Variants in KLHL23 observed in about 807,000 individuals in gnomAD.
KLHL23 encodes the protein kelch-like protein 23.
A neutral mutation model predicts 48.9 loss-of-function variants in KLHL23; 33 were observed. That is an observed-to-expected ratio of 0.67 (90% CI 0.51 to 0.90). The LOEUF (loss-of-function observed/expected upper bound fraction) is 0.90, where lower values mean the gene tolerates loss of function less well. Ranked by LOEUF, KLHL23 falls within the 40% of genes least tolerant of loss-of-function variation. The pLI is 0.00. For synonymous variants in KLHL23, 234 were observed against 231.6 expected, an observed-to-expected ratio of 1.01 and a Z score of -0.09; for missense variants, 608 against 669.6, an observed-to-expected ratio of 0.91 and a Z score of 1.02.
At chr2:169,737,412 G>T (rs962878771) in intron 2 of KLHL23, among the ~76,000 whole-genome samples, 10 of 152,116 alleles carry the variant, frequency 6.6e-5, no homozygotes, top group Admixed American at 3.3e-4. Flanking sequence ...TGCTCCCCTG[G>T]TTTTTGTCTT....
chr2:169,747,313 C>T (rs1165079854), intron 3 of KLHL23, among the ~76,000 whole-genome samples: 2 of 140,734 alleles, frequency 1.4e-5, no homozygotes, highest in Non-Finnish European at 3.0e-5. Context: ...CACTTGAACC[C>T]GGGAAGCAGA....
intron 3 of KLHL23, among the ~76,000 whole-genome samples, 195 bp downstream of exon 3, chr2:169,741,732 C>T (rs909206120): frequency 1.3e-5 from 2 of 152,156 alleles, no homozygotes; most frequent in African/African-American, 4.8e-5. Flanking sequence ...GTCACATCTA[C>T]AAATATTTTC....
chr2:169,746,850 A>G (rs1044299187), intron 3 of KLHL23, among the ~76,000 whole-genome samples: 23 of 152,232 alleles, frequency 1.5e-4, no homozygotes, highest in African/African-American at 5.3e-4. Flanking sequence ...AACTGATAAA[A>G]TATTTGAACT....
chr2:169,739,353 G>A (rs981082431), intron 2 of KLHL23, among the ~76,000 whole-genome samples: 2 of 151,906 alleles, frequency 1.3e-5, no homozygotes, highest in Non-Finnish European at 2.9e-5. Flanking sequence ...TTAAAATCTG[G>A]CTGAATTAAA....
intron 2 of KLHL23, among the ~76,000 whole-genome samples, chr2:169,740,208 G>T (rs1356722558): frequency 6.6e-6 from 1 of 152,116 alleles, no homozygotes; most frequent in Non-Finnish European, 1.5e-5. Context: ...GACCTCCTGA[G>T]ATCAAGCAAT....
chr2:169,735,642 C>T lies in KLHL23; in HGVS notation c.628C>T (p.His210Tyr), dbSNP rs1425509116. Residue 210 changes from histidine to tyrosine, a missense_variant, in exon 2 of 4, where the codon CAT (histidine) becomes TAT (tyrosine). Transcript: ENST00000392647. This position sits in a 1 kb window ranked among gnomAD's most constrained non-coding sequence, Gnocchi z 4.5. ...AGAGCCAGTTATTAAGTGGACTGCT[C>T]ATGATGTAGAAAATCGAATTGAATG... is the stretch of plus-strand genomic sequence containing the variant. ...IIEPVIKWTA[H>Y]DVENRIECLY... The T allele has an allele frequency of 1.9e-6, 3 of 1,613,976 alleles. No individual in the cohort carries two copies. The highest frequency in any genetic ancestry group is 2.5e-6 in the Non-Finnish European group (3 of 1,180,026).
In KLHL23 at chr2:169,750,362, A is replaced by T. The variant is rs562758921; in HGVS notation, c.*630A>T. 6.6e-6 allele frequency: 1 copy of T among 152,222 alleles called. No homozygotes were observed. Among genetic ancestry groups the T allele is most frequent in the South Asian group, 2.1e-4 (1 of 4,818 alleles). 9.4% of individuals were successfully genotyped at this position (152,222 alleles called of 1,614,324 possible). ...AATATAGTAGATAGTGCATATTAAGATGTCTGGCTGGGCATGGTGGCTCAT... is the reference window on the plus strand; with the variant it reads ...AATATAGTAGATAGTGCATATTAAGTTGTCTGGCTGGGCATGGTGGCTCAT... On this transcript the variant is annotated 3_prime_UTR_variant, in exon 4 of 4. Coordinates refer to ENST00000392647, the MANE Select transcript of KLHL23 (RefSeq NM_144711.6).
chr2:169,734,987 C>T (rs371145917), intron 1 of KLHL23, 26 bp from the exon 2 acceptor site: 530 of 1,515,924 alleles, frequency 3.5e-4, no homozygotes, highest in Non-Finnish European at 4.3e-4. Flanking sequence ...ATTGAAAACA[C>T]ATTTGTTATT....
rs1255853074 is a variant in KLHL23 at position 169,750,096 on chromosome 2, G to GTGTATATATACGTATCTA, written c.*370_*371insTATACGTATCTATGTATA. On this transcript the variant is annotated 3_prime_UTR_variant, in exon 4 of 4. Transcript: ENST00000392647. Reference sequence around the variant, plus strand: ...TATACGTATGTATGTATACATATATGTGTATACATATATATGTGTGTATAT... The same window carrying GTGTATATATACGTATCTA: ...TATACGTATGTATGTATACATATATGTGTATATATACGTATCTATGTATACATATATATGTGTGTATAT... The GTGTATATATACGTATCTA allele has an allele frequency of 1.9e-5, 2 of 103,718 alleles. No individual in the cohort carries two copies. Among genetic ancestry groups the GTGTATATATACGTATCTA allele is most frequent in the Non-Finnish European group, 4.1e-5 (2 of 48,906 alleles). 6.4% of individuals were successfully genotyped at this position (103,718 alleles called of 1,614,324 possible). A position where few individuals can be genotyped will look rare whatever the true frequency, so the allele number is the denominator to read the frequency against.
Position 169,741,412 on chromosome 2 carries a change from T to C in KLHL23, c.1241T>C (p.Leu414Ser). 1 of 1,613,578 alleles carries C rather than the reference T, an allele frequency of 6.2e-7. No homozygotes were observed. ...GTGGGAAATGCTACTGCCTGTGTCT[T>C]ACATGATGTTATCTACGTCATTGGT... The part of the protein sequence containing the change: ...KGVGNATACV[L>S]HDVIYVIGGH... The change falls in exon 3 of 4, where the codon TTA (leucine) becomes TCA (serine). Residue 414 changes from leucine to serine, a missense_variant. By Grantham distance (145) the Leu-to-Ser change is moderately radical. Coordinates refer to ENST00000392647, the MANE Select transcript of KLHL23 (RefSeq NM_144711.6).
intron 2 of KLHL23, among the ~76,000 whole-genome samples, chr2:169,738,117 T>G (rs1249425614): frequency 1.3e-5 from 2 of 152,162 alleles, no homozygotes; most frequent in African/African-American, 2.4e-5. Flanking sequence ...AAATTCCAGT[T>G]TTATACTTTG....
At chr2:169,747,389 T>TAAAAAAAAAAAAAAAAAAAAAAAAAAA (rs10690582) in intron 3 of KLHL23, among the ~76,000 whole-genome samples, 10 of 69,224 alleles carry the variant, frequency 1.4e-4, no homozygotes, top group South Asian at 1.7e-3. Flanking sequence ...ACTCTGTCTC[T>TAAAAAAAAAAAAAAAAAAAAAAAAAAA]AAAAAAAAAA....
chr2:169,735,928 T>C lies in KLHL23; in HGVS notation c.914T>C (p.Ile305Thr), dbSNP rs369156383. 1.5e-5 allele frequency: 25 copies of C among 1,614,148 alleles called. No homozygotes were observed. Among genetic ancestry groups the C allele is most frequent in the Non-Finnish European group, 1.9e-5 (23 of 1,180,040 alleles). The stretch of plus-strand genomic sequence containing the variant: ...AATGTTTGGATTCAGGGAGCAGAAA[T>C]ACCAGATTATACCAGGGAGAGCTAT... ...LTNVWIQGAE[I>T]PDYTRESYGV... Residue 305 changes from isoleucine (I) to threonine (T), a missense_variant, in exon 2 of 4, where the codon ATA becomes ACA. Physicochemically the swap from Ile to Thr is moderately conservative, Grantham distance 89. Coordinates refer to ENST00000392647, the MANE Select transcript of KLHL23 (RefSeq NM_144711.6). The surrounding 1 kb of genome is among the most constrained non-coding windows in gnomAD (Gnocchi z 4.5).
At position 169,735,994 on chromosome 2, in the gene KLHL23, G is replaced by C; in HGVS notation, c.980G>C (p.Gly327Ala). ...CLGPNIYVTG[G>A]YRTDNIEALD... Reference sequence around the variant, plus strand: ...GGACCCAACATTTATGTAACTGGGGGCTACAGGACGGATAACATAGAAGCT... The same window carrying C: ...GGACCCAACATTTATGTAACTGGGGCCTACAGGACGGATAACATAGAAGCT... Residue 327 changes from glycine (G) to alanine (A), a missense_variant, in exon 2 of 4, where the codon GGC becomes GCC. By Grantham distance (60) the Gly-to-Ala change is moderately conservative. Around this residue, in one of 3 missense-constraint regions of KLHL23, gnomAD observed 419 missense variants for 473.1 expected, o/e 0.89. Transcript: ENST00000392647. The surrounding 1 kb of genome is among the most constrained non-coding windows in gnomAD (Gnocchi z 4.5). 1 of 1,614,192 alleles carries C rather than the reference G, an allele frequency of 6.2e-7. No homozygotes were observed. The highest frequency in any genetic ancestry group is 8.5e-7 in the Non-Finnish European group (1 of 1,180,040).
intron 3 of KLHL23, among the ~76,000 whole-genome samples, chr2:169,744,433 T>C (rs1035658371): frequency 6.6e-6 from 1 of 152,076 alleles, no homozygotes; most frequent in African/African-American, 2.4e-5. Flanking sequence ...GAAAGGAAAG[T>C]TTCAGGTGTA....
rs1688961473 is a variant in KLHL23 at position 169,751,185 on chromosome 2, C to T, written c.*1453C>T. On this transcript the variant is annotated 3_prime_UTR_variant, in exon 4 of 4. Coordinates refer to ENST00000392647, the MANE Select transcript of KLHL23 (RefSeq NM_144711.6). ...TTTCCTCAGTGTGCCTACAGCATCGCTTTCCATGTGTGCCATAACTTGGGA... is the reference window on the plus strand; with the variant it reads ...TTTCCTCAGTGTGCCTACAGCATCGTTTTCCATGTGTGCCATAACTTGGGA... The T allele has an allele frequency of 6.6e-6, 1 of 152,208 alleles. No individual in the cohort carries two copies. The highest frequency in any genetic ancestry group is 2.4e-5 in the African/African-American group (1 of 41,438). 9.4% of individuals were successfully genotyped at this position (152,208 alleles called of 1,614,324 possible). A position where few individuals can be genotyped will look rare whatever the true frequency, so the allele number is the denominator to read the frequency against.
intron 2 of KLHL23, among the ~76,000 whole-genome samples, chr2:169,737,280 A>G (rs1388606572): frequency 6.6e-6 from 1 of 152,244 alleles, no homozygotes; most frequent in African/African-American, 2.4e-5. Flanking sequence ...GTTACGCATG[A>G]TTGTCCTGAA....
intron 3 of KLHL23, among the ~76,000 whole-genome samples, chr2:169,746,014 G>T (rs775182270): frequency 1.3e-5 from 2 of 152,270 alleles, no homozygotes; most frequent in Non-Finnish European, 2.9e-5. Context: ...AGATGCCTTG[G>T]TAGGGTGGGA....
chr2:169,741,173 G>T, intron 2 of KLHL23: 1 of 432,292 alleles, frequency 2.3e-6, no homozygotes, highest in South Asian at 7.5e-5. Flanking sequence ...ATCATTGTGC[G>T]TGGTGCATGG....
Sources: allele counts gnomAD v4.1 joint callset (sites outside exome capture counted in the v4.1 genomes callset), GRCh38; gene constraint gnomAD v4.1.1; regional missense constraint gnomAD v4.1.1; non-coding constraint Gnocchi (gnomAD v3.1); transcripts MANE v1.5; gene names NCBI Gene and HGNC (gene_info 2026-07-23, HGNC 2026-07-21).